The following DHX9 variants were observed in gnomAD, a reference collection of about 807,000 sequenced individuals.
DHX9 encodes ATP-dependent RNA helicase A.
DHX9 carries 27 observed loss-of-function variants against 148.7 expected under a neutral mutation model. The observed-to-expected ratio is 0.18, with a 90% CI of 0.13 to 0.25. The LOEUF is 0.25. Among genes scored for constraint, DHX9 ranks in the 10% least tolerant of loss-of-function variants. The probability of loss-of-function intolerance (pLI) is 1.00; values close to 1 mark genes in which losing one functional copy is unlikely to be tolerated. For missense variants in DHX9, 796 were observed against 1,559.6 expected (o/e 0.51, Z 8.25); for synonymous variants, 529 against 516.6 (o/e 1.02, Z -0.33).
intron 14 of DHX9, among the ~76,000 whole-genome samples, chr1:182,869,650 G>T (rs376253848): frequency 6.6e-6 from 1 of 152,114 alleles, no homozygotes; most frequent in South Asian, 2.1e-4. Context: ...TCACTCTTCC[G>T]CCCAGGCTAG....
intron 15 of DHX9, 71 bp from the exon 16 acceptor site, chr1:182,874,783 A>G: frequency 8.3e-7 from 1 of 1,210,268 alleles, no homozygotes. Context: ...ACTATGAATT[A>G]GCAAATGAAT....
chr1:182,872,382 C>G lies in DHX9; in HGVS notation c.1603C>G (p.Pro535Ala), dbSNP rs1648588149. The G allele has an allele frequency of 6.2e-7, 1 of 1,613,826 alleles. No homozygotes were observed. The change falls in exon 15 of 28, where the codon CCT becomes GCT. Residue 535 changes from proline to alanine, a missense_variant. Coordinates refer to ENST00000367549, the MANE Select transcript of DHX9 (RefSeq NM_001357.5). ...ACTGCGTGATGTTGTTCAGGCTTAT[C>G]CTGAAGTTCGCATTGTTCTTATGTC... ...VVLRDVVQAY[P>A]EVRIVLMSAT...
Position 182,863,852 on chromosome 1 carries a change from T to C in DHX9, c.1333-2592T>C, listed in dbSNP as rs1015003174. Among the ~76,000 whole-genome samples, 6 of 152,094 alleles carry C rather than the reference T, an allele frequency of 3.9e-5. No individual in the cohort carries two copies. In the East Asian group the frequency reaches 9.7e-4, roughly 25 times the overall value. ...GAGTAATACATACACCTTGGGGAAA[T>C]TTTAAGAATAGAATAATTTTTTAAA... On this transcript the variant is annotated intron_variant, in intron 12 of 27. Coordinates refer to ENST00000367549, the MANE Select transcript of DHX9 (RefSeq NM_001357.5).
chr1:182,848,066 ACTT>A (rs1668064186), intron 3 of DHX9, among the ~76,000 whole-genome samples: 1 of 152,092 alleles, frequency 6.6e-6, no homozygotes, highest in African/African-American at 2.4e-5. Flanking sequence ...CAGTAGCTGT[ACTT>A]CTTCATAGGT....
At chr1:182,878,513 C>T (rs1024618961) in intron 20 of DHX9, among the ~76,000 whole-genome samples, 1 of 152,142 alleles carries the variant, frequency 6.6e-6, no homozygotes, top group Non-Finnish European at 1.5e-5. Flanking sequence ...TAAATAATGC[C>T]TAACCCATAG....
intron 13 of DHX9, 109 bp downstream of exon 13, chr1:182,866,694 T>G: frequency 7.3e-7 from 1 of 1,364,222 alleles, no homozygotes; most frequent in East Asian, 2.3e-5. Flanking sequence ...GTCTCAGATT[T>G]CTTGTTTAAA....
At chr1:182,845,241 C>G (rs562868712) in intron 3 of DHX9, among the ~76,000 whole-genome samples, 3 of 152,090 alleles carry the variant, frequency 2.0e-5, no homozygotes, top group Non-Finnish European at 2.9e-5. Context: ...ATGTCTTTTA[C>G]ATGTTTGAAG....
chr1:182,858,008 G>A, intron 7 of DHX9, 96 bp from the exon 8 acceptor site: 2 of 1,296,178 alleles, frequency 1.5e-6, no homozygotes, highest in South Asian at 3.0e-5. Flanking sequence ...GTATTTTAGG[G>A]CTTCTTGTGT....
In DHX9 at chr1:182,887,177, G is replaced by A; in HGVS notation, c.3556G>A (p.Gly1186Ser). ...GGSSYSGGGY[G>S]GGYSSGGYGS... The stretch of plus-strand genomic sequence containing the variant: ...TTCTAGTTACAGTGGTGGAGGCTAT[G>A]GCGGTGGCTATAGCAGTGGAGGCTA... The change falls in exon 28 of 28, where the codon GGC (glycine) becomes AGC (serine). Residue 1186 changes from glycine to serine, a missense_variant. Physicochemically the swap from Gly to Ser is moderately conservative, Grantham distance 56. Around this residue, in one of 14 missense-constraint regions of DHX9, gnomAD observed 86 missense variants for 156.3 expected, o/e 0.55. Coordinates refer to ENST00000367549, the MANE Select transcript of DHX9 (RefSeq NM_001357.5). The A allele has an allele frequency of 6.2e-7, 1 of 1,614,112 alleles. No individual in the cohort carries two copies. Among genetic ancestry groups the A allele is most frequent in the Non-Finnish European group, 8.5e-7 (1 of 1,179,958 alleles).
intron 6 of DHX9, among the ~76,000 whole-genome samples, chr1:182,856,040 G>C (rs1026603495): frequency 1.3e-5 from 2 of 152,218 alleles, no homozygotes; most frequent in African/African-American, 4.8e-5. Flanking sequence ...TGCCTCAGGA[G>C]CCACTGATAT....
At chr1:182,849,034 A>C (rs1668081831) in intron 3 of DHX9, among the ~76,000 whole-genome samples, 1 of 152,186 alleles carries the variant, frequency 6.6e-6, no homozygotes, top group Admixed American at 6.5e-5. Context: ...TGAGGATTAA[A>C]ATTTGACATG....
intron 11 of DHX9, among the ~76,000 whole-genome samples, chr1:182,859,584 A>C (rs763103454): frequency 1.3e-5 from 2 of 152,084 alleles, no homozygotes; most frequent in Non-Finnish European, 2.9e-5. Context: ...GAAATGAGTA[A>C]GTTTTTATAG....
Position 182,872,438 on chromosome 1 carries a change from A to T in DHX9, c.1659A>T (p.Glu553Asp). Residue 553 changes from glutamate to aspartate, a missense_variant, in exon 15 of 28, where the codon GAA (glutamate) becomes GAT (aspartate). By Grantham distance (45) the Glu-to-Asp change is conservative (BLOSUM62 2). This residue lies in a region of DHX9 where 133 missense variants were observed against 223.8 expected (regional missense o/e 0.59). Coordinates refer to ENST00000367549, the MANE Select transcript of DHX9 (RefSeq NM_001357.5). ...CTATTGATACCAGCATGTTTTGTGAATATTTCTTCAATTGCCCCATCATTG... is the reference window on the plus strand; with the variant it reads ...CTATTGATACCAGCATGTTTTGTGATTATTTCTTCAATTGCCCCATCATTG... ...SATIDTSMFCEYFFNCPIIEV... is the reference protein window; with the variant it reads ...SATIDTSMFCDYFFNCPIIEV... 6.2e-7 allele frequency: 1 copy of T among 1,613,972 alleles called. No individual in the cohort carries two copies. The highest frequency in any genetic ancestry group is 8.5e-7 in the Non-Finnish European group (1 of 1,179,974).
intron 12 of DHX9, among the ~76,000 whole-genome samples, chr1:182,862,953 G>A (rs927477181): frequency 2.6e-5 from 4 of 152,152 alleles, no homozygotes; most frequent in Non-Finnish European, 5.9e-5. Context: ...GTGGGGAAGA[G>A]GTTAGCACTT....
chr1:182,855,647 T>C (rs1668238695), intron 6 of DHX9: 1 of 985,360 alleles, frequency 1.0e-6, no homozygotes, highest in Admixed American at 6.1e-5. Context: ...ATGTCATTAA[T>C]GAAAGGGTGG....
At chr1:182,858,978 G>T in intron 10 of DHX9, 62 bp from the exon 11 acceptor site, 2 of 1,610,314 alleles carry the variant, frequency 1.2e-6, no homozygotes, top group South Asian at 1.1e-5. Context: ...GGTAAAAAAT[G>T]GATTTATTTT....
intron 13 of DHX9, 59 bp from the exon 14 acceptor site, chr1:182,866,902 G>A: frequency 1.6e-6 from 2 of 1,284,474 alleles, no homozygotes; most frequent in Non-Finnish European, 2.2e-6. Context: ...ATAGATAATT[G>A]TCCATAGATT....
In DHX9 at chr1:182,871,260, T is replaced by C. The variant is rs61807502; in HGVS notation, c.1558-1077T>C. Reference sequence around the variant, plus strand: ...AGGCATTTTATAGAAGAGGAAACATTTGGCTAATAAACATGGAGATACTCA... The same window carrying C: ...AGGCATTTTATAGAAGAGGAAACATCTGGCTAATAAACATGGAGATACTCA... On this transcript the variant is annotated intron_variant, in intron 14 of 27. Coordinates refer to ENST00000367549, the MANE Select transcript of DHX9 (RefSeq NM_001357.5). Among the ~76,000 whole-genome samples the C allele has an allele frequency of 6.8e-3, 1,035 of 152,232 alleles. 6 individuals are homozygous for C. The highest frequency in any genetic ancestry group is 0.012 in the Admixed American group (179 of 15,294).
chr1:182,879,651 A>G (rs1648998785), intron 21 of DHX9, among the ~76,000 whole-genome samples: 1 of 152,242 alleles, frequency 6.6e-6, no homozygotes, highest in East Asian at 1.9e-4. Context: ...TTAAAAAGGC[A>G]TCTCTTAACT....
Sources: allele counts gnomAD v4.1 joint callset (sites outside exome capture counted in the v4.1 genomes callset), GRCh38; gene constraint gnomAD v4.1.1; regional missense constraint gnomAD v4.1.1; transcripts MANE v1.5; gene names NCBI Gene and HGNC (gene_info 2026-07-23, HGNC 2026-07-21).